Variants in KHDRBS2 observed in about 807,000 individuals in gnomAD.
KHDRBS2 encodes the protein KH domain-containing, RNA-binding, signal transduction-associated protein 2.
In KHDRBS2, 26 loss-of-function variants were observed where a neutral mutation model predicts 44.3. The ratio of observed to expected loss-of-function variants is 0.59; its 90% CI spans 0.43 to 0.81. KHDRBS2 has a LOEUF of 0.81. Ranked by LOEUF, KHDRBS2 falls within the 40% of genes least tolerant of loss-of-function variation. The pLI, the probability that KHDRBS2 is intolerant of heterozygous loss-of-function variation, is 0.00. For synonymous variants in KHDRBS2, 194 were observed against 151.1 expected, an observed-to-expected ratio of 1.28 and a Z score of -2.08; for missense variants, 476 against 433.1, an observed-to-expected ratio of 1.10 and a Z score of -0.88.
At chr6:62,211,257 G>C (rs998555120) in intron 1 of KHDRBS2, among the ~76,000 whole-genome samples, 5 of 147,902 alleles carry the variant, frequency 3.4e-5, no homozygotes, top group African/African-American at 1.3e-4. Context: ...TCAAATCTAA[G>C]GTTTAGAAGT....
At chr6:62,178,110 G>A (rs997330960) in intron 1 of KHDRBS2, among the ~76,000 whole-genome samples, 1 of 151,570 alleles carries the variant, frequency 6.6e-6, no homozygotes, top group African/African-American at 2.4e-5. Flanking sequence ...CACACATACA[G>A]TTATGGCTGG....
At chr6:61,992,365 C>T (rs1259797792) in intron 3 of KHDRBS2, among the ~76,000 whole-genome samples, 1 of 152,088 alleles carries the variant, frequency 6.6e-6, no homozygotes, top group African/African-American at 2.4e-5. Context: ...CTCTTTTAAA[C>T]CTCTATGCAC....
At chr6:61,933,033 T>C (rs1810383045) in intron 4 of KHDRBS2, among the ~76,000 whole-genome samples, 1 of 152,176 alleles carries the variant, frequency 6.6e-6, no homozygotes, top group Non-Finnish European at 1.5e-5. Context: ...TACCGGAAAC[T>C]GGGCAATTTA....
chr6:62,247,609 C>T (rs1205973344), intron 1 of KHDRBS2, among the ~76,000 whole-genome samples: 3 of 151,946 alleles, frequency 2.0e-5, no homozygotes, highest in Admixed American at 1.3e-4. Context: ...CCTTCCTGCT[C>T]CACTTACTCA....
At chr6:62,055,828 C>T (rs139008425) in intron 2 of KHDRBS2, among the ~76,000 whole-genome samples, 125 of 152,086 alleles carry the variant, frequency 8.2e-4, no homozygotes, top group Admixed American at 7.5e-3. Flanking sequence ...CATTATTCCT[C>T]GCAAGTCATA....
intron 1 of KHDRBS2, among the ~76,000 whole-genome samples, chr6:62,208,305 C>T (rs1191237401): frequency 1.3e-5 from 2 of 152,124 alleles, no homozygotes; most frequent in Non-Finnish European, 1.5e-5. Flanking sequence ...TCATAGTGCG[C>T]TACAGTCCTG....
the KHDRBS2 span, among the ~76,000 whole-genome samples, chr6:61,638,655 G>C: frequency 2.8e-4 from 42 of 152,124 alleles, no homozygotes; most frequent in Non-Finnish European, 5.0e-4. Context: ...TGATGACTTT[G>C]ATAATTGAGC....
At chr6:62,251,866 A>G (rs1836597532) in intron 1 of KHDRBS2, among the ~76,000 whole-genome samples, 1 of 151,962 alleles carries the variant, frequency 6.6e-6, no homozygotes, top group Non-Finnish European at 1.5e-5. Context: ...TAGTAAATGT[A>G]GTATTAAAGA....
chr6:61,825,178 C>T (rs145634491), intron 6 of KHDRBS2, among the ~76,000 whole-genome samples: 1,923 of 152,188 alleles, frequency 0.013, 24 homozygotes, highest in Non-Finnish European at 0.021. Context: ...CTAATTTATG[C>T]TAAAACAGTA....
Position 61,739,636 on chromosome 6 carries a change from T to A in KHDRBS2, c.811-6872A>T, listed in dbSNP as rs537597054. Among the ~76,000 whole-genome samples, 6 of 152,066 alleles carry A rather than the reference T, an allele frequency of 3.9e-5. No homozygotes were observed. The East Asian group carries it at 9.6e-4, about 24-fold the overall frequency. On this transcript the variant is annotated intron_variant, in intron 6 of 8. Coordinates refer to ENST00000281156, the MANE Select transcript of KHDRBS2 (RefSeq NM_152688.4). ...AATAAAATCTGCATAATTAACATTT[T>A]CTCCATAGCTTTCTTACATTTAGAT...
intron 3 of KHDRBS2, among the ~76,000 whole-genome samples, chr6:62,025,529 A>T (rs551103531): frequency 1.3e-3 from 193 of 151,912 alleles, no homozygotes; most frequent in East Asian, 6.0e-3. Context: ...TAAAGGATAA[A>T]TTTTTTTTAA....
chr6:61,716,538 A>C (rs575737739), intron 7 of KHDRBS2, among the ~76,000 whole-genome samples: 26 of 152,146 alleles, frequency 1.7e-4, no homozygotes, highest in African/African-American at 6.3e-4. Context: ...AAAAGATAAC[A>C]AGCATTACTG....
intron 7 of KHDRBS2, among the ~76,000 whole-genome samples, chr6:61,702,899 T>C (rs1768920516): frequency 6.6e-6 from 1 of 151,894 alleles, no homozygotes; most frequent in African/African-American, 2.4e-5. Context: ...AATAATTAGA[T>C]ATATTTTGAG....
chr6:61,829,910 A>G (rs976712713), intron 6 of KHDRBS2, among the ~76,000 whole-genome samples: 2 of 152,108 alleles, frequency 1.3e-5, no homozygotes, highest in African/African-American at 4.8e-5. Flanking sequence ...CAGATAGGAG[A>G]CACATTTAAA....
intron 6 of KHDRBS2, among the ~76,000 whole-genome samples, chr6:61,869,443 G>A (rs1798269553): frequency 6.6e-6 from 1 of 152,124 alleles, no homozygotes; most frequent in Non-Finnish European, 1.5e-5. Flanking sequence ...AAAACTGAGA[G>A]ACTTACTATT....
intron 6 of KHDRBS2, among the ~76,000 whole-genome samples, chr6:61,786,152 T>G (rs1006275520): frequency 6.6e-5 from 10 of 152,046 alleles, no homozygotes; most frequent in African/African-American, 2.4e-4. Flanking sequence ...AATTGAACTT[T>G]TATTTAGTTT....
chr6:61,597,773 T>TATATATATATATATATATATATATAC, the KHDRBS2 span, among the ~76,000 whole-genome samples: 14 of 42,334 alleles, frequency 3.3e-4, 2 homozygotes, highest in Admixed American at 9.6e-4. Context: ...TATATATATA[T>TATATATATATATATATATATATATAC]ACACCAAGAT....
At chr6:61,642,609 T>C in the KHDRBS2 span, among the ~76,000 whole-genome samples, 1 of 149,672 alleles carries the variant, frequency 6.7e-6, no homozygotes, top group East Asian at 2.0e-4. Context: ...TGCAGTGAGC[T>C]GAAATCACAC....
intron 4 of KHDRBS2, among the ~76,000 whole-genome samples, chr6:61,942,724 TC>T: frequency 6.6e-6 from 1 of 152,044 alleles, no homozygotes; most frequent in Non-Finnish European, 1.5e-5. Context: ...TACAGAAGGC[TC>T]TGAGATCCCC....
Sources: allele counts gnomAD v4.1 joint callset (sites outside exome capture counted in the v4.1 genomes callset), GRCh38; gene constraint gnomAD v4.1.1; transcripts MANE v1.5; gene names NCBI Gene and HGNC (gene_info 2026-07-23, HGNC 2026-07-21).